Variants in PSG3 observed in about 807,000 individuals in gnomAD.
PSG3 encodes pregnancy specific beta-1-glycoprotein 3, also known as pregnancy-specific beta-1-glycoprotein 3.
A neutral mutation model predicts 47.5 loss-of-function variants in PSG3; 61 were observed. That is an observed-to-expected ratio of 1.28 (90% CI 1.05 to 1.59). The LOEUF is 1.59. Among genes scored for constraint, PSG3 ranks in the 40% most tolerant of loss-of-function variants. The pLI, the probability that PSG3 is intolerant of heterozygous loss-of-function variation, is 0.00. For missense variants in PSG3, 756 were observed against 524.0 expected (o/e 1.44, Z -4.32); for synonymous variants, 263 against 198.4 (o/e 1.33, Z -2.74).
rs759842957 is a variant in PSG3, at chr19:42,729,810, A to G, written c.956T>C (p.Ile319Thr). The change falls in exon 4 of 7, where the codon ATC (isoleucine) becomes ACC (threonine). Residue 319 changes from isoleucine (I) to threonine (T), a missense_variant. Physicochemically the swap from Ile to Thr is moderately conservative, Grantham distance 89. Coordinates refer to ENST00000327495, the MANE Select transcript of PSG3 (RefSeq NM_021016.4). ...ATTCAGGGTGACTGGGTAACTGCGG[A>G]TGCCACCATATCGGTCCTGTATTTC... ...QCEIQDRYGG[I>T]RSYPVTLNVL... 5.6e-6 allele frequency: 9 copies of G among 1,613,730 alleles called. No individual in the cohort carries two copies. The highest frequency in any genetic ancestry group is 7.6e-6 in the Non-Finnish European group (9 of 1,179,860).
intron 5 of PSG3, among the ~76,000 whole-genome samples, chr19:42,728,320 C>T (rs1018664708): frequency 1.3e-5 from 2 of 152,136 alleles, no homozygotes; most frequent in Admixed American, 1.3e-4. Flanking sequence ...TGGCACTGCC[C>T]CTTTCCTGCC....
chr19:42,728,695 C>T (rs112515388), intron 5 of PSG3, among the ~76,000 whole-genome samples: 1 of 152,356 alleles, frequency 6.6e-6, no homozygotes, highest in African/African-American at 2.4e-5. Context: ...GGGCTTCCTC[C>T]TCTCATCTGG....
chr19:42,732,837 A>G lies in PSG3; in HGVS notation c.656T>C (p.Ile219Thr). 2 of 1,614,156 alleles carry G rather than the reference A, an allele frequency of 1.2e-6. No homozygotes were observed. The highest frequency in any genetic ancestry group is 1.7e-6 in the Non-Finnish European group (2 of 1,180,022). Residue 219 changes from isoleucine (I) to threonine (T), a missense_variant, in exon 3 of 7, where the codon ATA (isoleucine) becomes ACA (threonine). Ile to Thr is a moderately conservative substitution (Grantham distance 89). Transcript: ENST00000327495. ...KYTAGPYECE[I>T]RNPVSASRSD... is the part of the protein sequence containing the mutation. Reference sequence around the variant, plus strand: ...GCGGCTGGCACTCACTGGGTTCCGTATTTCACATTCATAGGGTCCTGCAGT... The same window carrying G: ...GCGGCTGGCACTCACTGGGTTCCGTGTTTCACATTCATAGGGTCCTGCAGT...
intron 2 of PSG3, chr19:42,733,366 C>G: frequency 4.7e-6 from 2 of 421,704 alleles, no homozygotes; most frequent in South Asian, 3.8e-5. Flanking sequence ...CCCTCCATCT[C>G]GAAGTGCCTG....
intron 5 of PSG3, among the ~76,000 whole-genome samples, chr19:42,726,492 C>T (rs1969379873): frequency 6.6e-6 from 1 of 151,984 alleles, no homozygotes; most frequent in East Asian, 1.9e-4. Flanking sequence ...AATACACTAA[C>T]CATGAACAAT....
At chr19:42,729,584 G>A (rs746137198) in intron 4 of PSG3, among the ~76,000 whole-genome samples, 194 bp downstream of exon 4, 1 of 152,198 alleles carries the variant, frequency 6.6e-6, no homozygotes, top group Non-Finnish European at 1.5e-5. Context: ...CATGACAAGA[G>A]CGTCCCCTCC....
intron 5 of PSG3, among the ~76,000 whole-genome samples, 161 bp from the exon 6 acceptor site, chr19:42,724,186 T>TA (rs1334687522): frequency 6.6e-6 from 1 of 151,118 alleles, no homozygotes; most frequent in African/African-American, 2.4e-5. Context: ...ATTCTTGCAG[T>TA]TTTTTTTTCC....
At chr19:42,732,689 C>G (rs1969491954) in intron 3 of PSG3, 95 bp downstream of exon 3, 1 of 1,613,750 alleles carries the variant, frequency 6.2e-7, no homozygotes, top group Non-Finnish European at 8.5e-7. Flanking sequence ...GTAAAGGTCT[C>G]TGTACTTGGA....
chr19:42,723,917 AG>A (rs1200076122), intron 6 of PSG3, 24 bp downstream of exon 6: 3 of 1,523,682 alleles, frequency 2.0e-6, no homozygotes, highest in African/African-American at 2.7e-5. Flanking sequence ...TGCAGGAACC[AG>A]GATAAGAGGA....
intron 5 of PSG3, among the ~76,000 whole-genome samples, chr19:42,725,902 AAAAAAAAG>A (rs2122163248): frequency 6.6e-6 from 1 of 151,116 alleles, no homozygotes; most frequent in Non-Finnish European, 1.5e-5. Flanking sequence ...AAAAAAAAAA[AAAAAAAAG>A]AAAAAAGAAA....
chr19:42,724,732 T>C (rs1240782197), intron 5 of PSG3, among the ~76,000 whole-genome samples: 1 of 152,176 alleles, frequency 6.6e-6, no homozygotes, highest in African/African-American at 2.4e-5. Context: ...AGTTATCTTG[T>C]ATGTCTAATC....
intron 2 of PSG3, among the ~76,000 whole-genome samples, chr19:42,734,617 C>T (rs1238655145): frequency 6.6e-6 from 1 of 152,142 alleles, no homozygotes; most frequent in African/African-American, 2.4e-5. Flanking sequence ...TCTCTTGAGA[C>T]CAAAATAAGG....
chr19:42,729,477 C>A lies in PSG3; in HGVS notation c.989-100G>T, dbSNP rs1231452488. 5.3e-6 allele frequency: 8 copies of A among 1,520,768 alleles called. No homozygotes were observed. The African/African-American group carries it at 8.3e-5, about 16-fold the overall frequency. The allele number at this position is 1,520,768 out of a possible 1,614,324, so 94.2% of individuals were successfully genotyped here. ...CAGTGACCCTCTGAGCCAAGACACA[C>A]CCTCAAGTGCCAGCCAAACCCCCTC... On this transcript the variant is annotated intron_variant, in intron 4 of 6. Transcript: ENST00000327495.
At position 42,738,741 on chromosome 19, in the gene PSG3, A is replaced by G. The variant is rs1037171450; in HGVS notation, c.413T>C (p.Phe138Ser). The G allele has an allele frequency of 1.9e-6, 3 of 1,613,880 alleles. No individual in the cohort carries two copies. Among genetic ancestry groups the G allele is most frequent in the African/African-American group, 2.7e-5 (2 of 75,012 alleles). The change falls in exon 2 of 7, where the codon TTC (phenylalanine) becomes TCC (serine). Residue 138 changes from phenylalanine to serine, a missense_variant. Coordinates refer to ENST00000327495, the MANE Select transcript of PSG3 (RefSeq NM_021016.4). ...TCACTCACGGTATAAGGTGAAGGTG[A>G]AATGTCCAGTTTCTCCTCTAGTCCC... ...GDGTRGETGH[F>S]TFTLYLETPK...
intron 1 of PSG3, 40 bp from the exon 2 acceptor site, chr19:42,739,129 T>C (rs779852171): frequency 2.4e-5 from 37 of 1,561,762 alleles, no homozygotes; most frequent in Non-Finnish European, 3.0e-5. Flanking sequence ...TTGAGACCTA[T>C]GCATTGGGGT....
chr19:42,727,448 G>C (rs1568747222), intron 5 of PSG3, among the ~76,000 whole-genome samples: 1 of 152,076 alleles, frequency 6.6e-6, no homozygotes, highest in African/African-American at 2.4e-5. Flanking sequence ...AATGAACAAA[G>C]GATTAAAATG....
In PSG3 at chr19:42,729,347, G is replaced by C; in HGVS notation, c.1019C>G (p.Ser340Ter). 1.9e-6 allele frequency: 3 copies of C among 1,614,082 alleles called. No individual in the cohort carries two copies. The highest frequency in any genetic ancestry group is 2.5e-6 in the Non-Finnish European group (3 of 1,179,952). ...TTCTCCTGAATGGTAATAGGTGAAT[G>C]AAGGGTAAATTCTGGGGAGGTCTGG... ...YGPDLPRIYP[S>*]FTYYHSGENL... The change falls in exon 5 of 7, where the codon TCA (serine) becomes TGA (stop). Residue 340 changes from serine (S) to a stop codon, truncating the protein, a stop_gained. Coordinates refer to ENST00000327495, the MANE Select transcript of PSG3 (RefSeq NM_021016.4). LOFTEE classifies it high-confidence loss of function.
intron 5 of PSG3, 52 bp from the exon 6 acceptor site, chr19:42,724,077 G>T (rs2122158419): frequency 6.4e-7 from 1 of 1,557,644 alleles, no homozygotes; most frequent in Non-Finnish European, 8.9e-7. Flanking sequence ...TATTTTACAT[G>T]GGGGAGCCTC....
At chr19:42,729,703 G>C (rs1420800165) in intron 4 of PSG3, 75 bp downstream of exon 4, 1 of 1,574,788 alleles carries the variant, frequency 6.4e-7, no homozygotes, top group East Asian at 2.2e-5. Context: ...ACCAGAGAGA[G>C]AGTGAGAGGC....
Sources: gnomAD v4.1 joint callset for allele counts (sites outside exome capture counted in the v4.1 genomes callset) on GRCh38, gnomAD v4.1.1 for gene constraint, MANE v1.5 for transcripts, NCBI Gene and HGNC (gene_info 2026-07-23, HGNC 2026-07-21) for gene names.